The following MYH10 variants were observed in gnomAD, a reference collection of about 807,000 sequenced individuals.
The protein encoded by MYH10 is myosin-10.
In MYH10, 55 loss-of-function variants were observed where a neutral mutation model predicts 257.8. That is an observed-to-expected ratio of 0.21 (90% CI 0.17 to 0.27). The LOEUF (loss-of-function observed/expected upper bound fraction) is 0.27, where lower values mean the gene tolerates loss of function less well. Among genes scored for constraint, MYH10 ranks in the 10% least tolerant of loss-of-function variants. The pLI is 1.00. For missense variants in MYH10, 1,631 were observed against 2,500.6 expected, an observed-to-expected ratio of 0.65 and a Z score of 7.42; for synonymous variants, 854 against 921.7, an observed-to-expected ratio of 0.93 and a Z score of 1.33.
chr17:8,503,376 T>C (rs2080971175), intron 28 of MYH10, among the ~76,000 whole-genome samples: 1 of 152,172 alleles, frequency 6.6e-6, no homozygotes, highest in African/African-American at 2.4e-5. Context: ...TTCCTCTCTC[T>C]GGGTAAAAGC....
intron 9 of MYH10, 141 bp downstream of exon 9, chr17:8,551,905 A>G: frequency 2.3e-6 from 1 of 439,414 alleles, no homozygotes. Flanking sequence ...GTTCAATTTC[A>G]TTTTGATTTT....
chr17:8,487,713 G>GT (rs1915109997), intron 35 of MYH10, 119 bp from the exon 36 acceptor site: 11 of 1,136,806 alleles, frequency 9.7e-6, no homozygotes, highest in Non-Finnish European at 1.4e-5. Context: ...CTGTTACTCT[G>GT]TAGAGGTCTC....
At chr17:8,579,302 T>C (rs1378082581) in intron 4 of MYH10, among the ~76,000 whole-genome samples, 1 of 152,102 alleles carries the variant, frequency 6.6e-6, no homozygotes. Context: ...AATTGTACTA[T>C]TTGAAGTGTC....
chr17:8,553,663 A>G (rs973690403), intron 8 of MYH10, among the ~76,000 whole-genome samples: 4 of 152,204 alleles, frequency 2.6e-5, no homozygotes, highest in Non-Finnish European at 5.9e-5. Flanking sequence ...AAGTGGGCTA[A>G]CAGCAATAGG....
At chr17:8,512,414 C>G (rs200646921) in intron 24 of MYH10, 37 bp downstream of exon 24, 1 of 1,544,622 alleles carries the variant, frequency 6.5e-7, no homozygotes, top group East Asian at 2.3e-5. Context: ...ACTTGAAAAT[C>G]CAAAATATGC....
chr17:8,550,421 C>T (rs1351277700), intron 9 of MYH10, among the ~76,000 whole-genome samples: 2 of 150,970 alleles, frequency 1.3e-5, no homozygotes, highest in African/African-American at 2.4e-5. Flanking sequence ...CCGGCCGCCC[C>T]GTCTGAGAAG....
intron 7 of MYH10, among the ~76,000 whole-genome samples, chr17:8,562,152 T>C (rs867364482): frequency 1.3e-5 from 2 of 152,244 alleles, no homozygotes. Context: ...GCCAAGCACT[T>C]TGACAACCTG....
intron 14 of MYH10, among the ~76,000 whole-genome samples, chr17:8,536,472 A>G (rs1214992763): frequency 6.6e-6 from 1 of 152,242 alleles, no homozygotes; most frequent in African/African-American, 2.4e-5. Context: ...TCAGTCATCA[A>G]TTGCCTTATA....
In MYH10 at chr17:8,569,821, C is replaced by T. The variant is rs2083279224; in HGVS notation, c.664-9G>A. 2 of 1,585,940 alleles carry T rather than the reference C, an allele frequency of 1.3e-6. No individual in the cohort carries two copies. The highest frequency in any genetic ancestry group is 1.7e-6 in the Non-Finnish European group (2 of 1,160,128). The stretch of plus-strand genomic sequence containing the variant: ...TGCCGTTCAAGTTCCCCCTAAAAGA[C>T]ATTACACACACACAAATAAAAGCAG... On this transcript the variant is annotated splice_polypyrimidine_tract_variant and intron_variant, in intron 6 of 42. Transcript: ENST00000360416. This position sits in a 1 kb window ranked among gnomAD's most constrained non-coding sequence, Gnocchi z 4.1.
chr17:8,519,282 GA>G (rs1180027193), intron 19 of MYH10, among the ~76,000 whole-genome samples: 1 of 152,272 alleles, frequency 6.6e-6, no homozygotes, highest in East Asian at 1.9e-4. Context: ...ACGCAAAAGA[GA>G]ATCTGGCTTT....
chr17:8,595,425 CTTTTTTTT>C (rs10664342), intron 3 of MYH10, among the ~76,000 whole-genome samples: 27,535 of 84,914 alleles, frequency 0.32, 3,062 homozygotes, highest in Middle Eastern at 0.49. Flanking sequence ...AAGAACAGTT[CTTTTTTTT>C]TTTTTTTTTT....
chr17:8,560,069 TA>T (rs904901804), intron 7 of MYH10, among the ~76,000 whole-genome samples: 15 of 151,696 alleles, frequency 9.9e-5, no homozygotes, highest in African/African-American at 2.9e-4. Flanking sequence ...AACATTTCAC[TA>T]AAAAAAAATT....
At chr17:8,502,801 T>C (rs2080938741) in intron 28 of MYH10, among the ~76,000 whole-genome samples, 1 of 152,154 alleles carries the variant, frequency 6.6e-6, no homozygotes, top group Non-Finnish European at 1.5e-5. Context: ...TTAATAAATA[T>C]GCGCATTTAG....
Position 8,535,603 on chromosome 17 carries a change from C to A in MYH10, c.1780-102G>T. The A allele has an allele frequency of 1.6e-6, 2 of 1,256,186 alleles. No individual in the cohort carries two copies. The highest frequency in any genetic ancestry group is 1.4e-5 in the South Asian group (1 of 71,384). The allele number at this position is 1,256,186 out of a possible 1,614,324, so 77.8% of individuals were successfully genotyped here. On this transcript the variant is annotated intron_variant, in intron 15 of 42. Coordinates refer to ENST00000360416, the MANE Select transcript of MYH10 (RefSeq NM_001256012.3). This position sits in a 1 kb window ranked among gnomAD's most constrained non-coding sequence, Gnocchi z 4.3. ...CAACCAGAAACTTTTATACAACAGT[C>A]CCCAAAATGGGCTGTCTGAAAGACA...
chr17:8,535,809 A>T lies in MYH10; in HGVS notation c.1728T>A (p.Pro576=). The T allele has an allele frequency of 1.2e-5, 19 of 1,614,180 alleles. No homozygotes were observed. The highest frequency in any genetic ancestry group is 1.6e-5 in the Non-Finnish European group (19 of 1,180,032). The change falls in exon 15 of 43, where the codon CCT becomes CCA. Residue 576 remains proline, a synonymous_variant. Transcript: ENST00000360416. This position sits in a 1 kb window ranked among gnomAD's most constrained non-coding sequence, Gnocchi z 4.3. ...AATCAGCTTTGTCTTTTAATTGTCG[A>T]GGTTTCTGAAACTTGGAGTGGGAAC... ...EQGSHSKFQK[P]RQLKDKADFC... is the part of the protein sequence containing the mutation.
intron 4 of MYH10, among the ~76,000 whole-genome samples, chr17:8,578,556 C>T (rs891394158): frequency 2.0e-5 from 3 of 152,122 alleles, no homozygotes; most frequent in African/African-American, 7.2e-5. Context: ...CATAGGCAGA[C>T]GTAATTTGTT....
intron 42 of MYH10, among the ~76,000 whole-genome samples, chr17:8,476,644 G>T (rs1912674979): frequency 6.6e-6 from 1 of 152,252 alleles, no homozygotes; most frequent in South Asian, 2.1e-4. Context: ...CTCCAGCCTG[G>T]TGTGGTGGAT....
intron 3 of MYH10, among the ~76,000 whole-genome samples, chr17:8,591,812 A>G (rs2084152630): frequency 6.6e-6 from 1 of 152,074 alleles, no homozygotes; most frequent in South Asian, 2.1e-4. Flanking sequence ...ACTCTCTTCT[A>G]GCCAGACTCA....
At chr17:8,578,613 T>C (rs1171272189) in intron 4 of MYH10, among the ~76,000 whole-genome samples, 1 of 152,192 alleles carries the variant, frequency 6.6e-6, no homozygotes, top group East Asian at 1.9e-4. Flanking sequence ...TGAGGACAAA[T>C]GCCACCATTT....
Sources: allele counts gnomAD v4.1 joint callset (sites outside exome capture counted in the v4.1 genomes callset), GRCh38; gene constraint gnomAD v4.1.1; non-coding constraint Gnocchi (gnomAD v3.1); transcripts MANE v1.5; gene names NCBI Gene and HGNC (gene_info 2026-07-23, HGNC 2026-07-21).